NLN: variants seen among roughly 807,000 people sequenced by gnomAD.
NLN encodes neurolysin.
Under a neutral mutation model 79.9 loss-of-function variants are expected in NLN, and 64 were observed. The observed-to-expected ratio is 0.80, with a 90% CI of 0.65 to 0.99. The LOEUF is 0.99. Ranked by LOEUF, NLN falls within the 50% of genes least tolerant of loss-of-function variation. The probability of loss-of-function intolerance (pLI) is 0.00; values close to 1 mark genes in which losing one functional copy is unlikely to be tolerated. For synonymous variants in NLN, 267 were observed against 296.6 expected, an observed-to-expected ratio of 0.90 and a Z score of 1.02; for missense variants, 835 against 858.7, an observed-to-expected ratio of 0.97 and a Z score of 0.34.
At chr5:65,739,031 AT>A (rs1337230423) in intron 1 of NLN, among the ~76,000 whole-genome samples, 1 of 139,842 alleles carries the variant, frequency 7.2e-6, no homozygotes. Flanking sequence ...TAAATATATA[AT>A]ATATATATAA....
Position 65,745,821 on chromosome 5 carries a change from C to T in NLN, c.42-12746C>T, listed in dbSNP as rs547094553. ...TCAGATTTATGTTTTAGGATGATTA[C>T]TCTGCAGGCAATCTGGAGAACAGAT... On this transcript the variant is annotated intron_variant, in intron 1 of 12. Transcript: ENST00000380985. Among the ~76,000 whole-genome samples the T allele has an allele frequency of 2.6e-5, 4 of 152,296 alleles. No homozygotes were observed. The East Asian group carries it at 7.7e-4, about 29-fold the overall frequency.
At chr5:65,745,309 A>C (rs1055194857) in intron 1 of NLN, among the ~76,000 whole-genome samples, 2 of 152,194 alleles carry the variant, frequency 1.3e-5, no homozygotes, top group Non-Finnish European at 2.9e-5. Flanking sequence ...AAAATCAGAG[A>C]AGTGCAATTG....
intron 1 of NLN, among the ~76,000 whole-genome samples, chr5:65,741,333 A>G (rs1430851443): frequency 3.3e-5 from 5 of 152,196 alleles, no homozygotes; most frequent in Admixed American, 6.5e-5. Flanking sequence ...TAGGGATTGC[A>G]TTCAATCTGT....
intron 9 of NLN, among the ~76,000 whole-genome samples, chr5:65,800,556 C>A (rs890597414): frequency 6.6e-6 from 1 of 152,014 alleles, no homozygotes; most frequent in Non-Finnish European, 1.5e-5. Flanking sequence ...GCGCCTGTAG[C>A]CCCAGCTACT....
chr5:65,762,242 T>G (rs1420813649), intron 2 of NLN, among the ~76,000 whole-genome samples: 11 of 152,222 alleles, frequency 7.2e-5, no homozygotes. Context: ...AATGTTTTTA[T>G]GTATGTGTGC....
chr5:65,785,269 A>C (rs1759893204), intron 6 of NLN, among the ~76,000 whole-genome samples: 1 of 152,224 alleles, frequency 6.6e-6, no homozygotes, highest in African/African-American at 2.4e-5. Context: ...AAACTACTTT[A>C]CATTCTCATC....
At chr5:65,762,401 C>T (rs1332312882) in intron 2 of NLN, among the ~76,000 whole-genome samples, 1 of 152,140 alleles carries the variant, frequency 6.6e-6, no homozygotes, top group African/African-American at 2.4e-5. Flanking sequence ...ATTACACCCT[C>T]AGGCTAGATG....
At chr5:65,787,990 C>T (rs1759970343) in intron 7 of NLN, 128 bp from the exon 8 acceptor site, 1 of 894,436 alleles carries the variant, frequency 1.1e-6, no homozygotes, top group African/African-American at 1.7e-5. Flanking sequence ...TCCTTTACCT[C>T]TTTCCGCCTT....
intron 1 of NLN, among the ~76,000 whole-genome samples, chr5:65,728,886 C>A (rs1268307196): frequency 6.6e-6 from 1 of 152,166 alleles, no homozygotes; most frequent in African/African-American, 2.4e-5. Flanking sequence ...CTTGGTTGCC[C>A]AGGCTAGAGT....
intron 3 of NLN, among the ~76,000 whole-genome samples, chr5:65,764,933 T>C (rs543476002): frequency 6.6e-6 from 1 of 152,356 alleles, no homozygotes; most frequent in Non-Finnish European, 1.5e-5. Context: ...AACCTAGAAT[T>C]ACCAGTATTA....
chr5:65,822,904 C>T lies in NLN; in HGVS notation c.2104C>T (p.His702Tyr). 1 of 1,613,456 alleles carries T rather than the reference C, an allele frequency of 6.2e-7. No individual in the cohort carries two copies. The highest frequency in any genetic ancestry group is 8.5e-7 in the Non-Finnish European group (1 of 1,179,458). The part of the protein sequence containing the change: ...QKAFLMSRGL[H>Y]AP Reference sequence around the variant, plus strand: ...AGCGTTCCTAATGAGTAGAGGCCTGCATGCTCCGTGAACTGGGGATCTTTG... The same window carrying T: ...AGCGTTCCTAATGAGTAGAGGCCTGTATGCTCCGTGAACTGGGGATCTTTG... The change falls in exon 13 of 13, where the codon CAT (histidine) becomes TAT (tyrosine). Residue 702 changes from histidine to tyrosine, a missense_variant. Physicochemically the swap from His to Tyr is moderately conservative, Grantham distance 83. Transcript: ENST00000380985.
chr5:65,806,036 C>G (rs897171246), intron 9 of NLN, among the ~76,000 whole-genome samples: 1 of 152,106 alleles, frequency 6.6e-6, no homozygotes, highest in Non-Finnish European at 1.5e-5. Flanking sequence ...CATCTGTTTA[C>G]AGCATGGTTT....
intron 1 of NLN, among the ~76,000 whole-genome samples, chr5:65,730,767 G>C (rs978254583): frequency 6.6e-6 from 1 of 152,056 alleles, no homozygotes; most frequent in East Asian, 1.9e-4. Context: ...ATGTTGGCCA[G>C]GCTGGAACTC....
At chr5:65,770,629 G>A (rs1220604221) in intron 3 of NLN, among the ~76,000 whole-genome samples, 1 of 152,142 alleles carries the variant, frequency 6.6e-6, no homozygotes, top group Non-Finnish European at 1.5e-5. Flanking sequence ...GAAAGTTGGA[G>A]CTTACATTCT....
Position 65,748,073 on chromosome 5 carries a change from C to T in NLN, c.42-10494C>T, listed in dbSNP as rs189021225. ...AAAATTAGCTGGGCGTAGTGGCACA[C>T]GCCTGTAATCCCAGCTACTTGGGAG... On this transcript the variant is annotated intron_variant, in intron 1 of 12. Coordinates refer to ENST00000380985, the MANE Select transcript of NLN (RefSeq NM_020726.5). Among the ~76,000 whole-genome samples the T allele has an allele frequency of 4.7e-3, 710 of 152,256 alleles. 10 individuals are homozygous for T. Among genetic ancestry groups the T allele is most frequent in the African/African-American group, 0.016 (674 of 41,552 alleles).
At position 65,777,413 on chromosome 5, in the gene NLN, C is replaced by G; in HGVS notation, c.451-14C>G. On this transcript the variant is annotated splice_polypyrimidine_tract_variant and intron_variant, in intron 3 of 12. Coordinates refer to ENST00000380985, the MANE Select transcript of NLN (RefSeq NM_020726.5). ...TGTTTCAACCGAAATGGTTTTCATGCTCTTTAATTTCAGGAAACCTGTGAT... is the reference window on the plus strand; with the variant it reads ...TGTTTCAACCGAAATGGTTTTCATGGTCTTTAATTTCAGGAAACCTGTGAT... 6.5e-7 allele frequency: 1 copy of G among 1,532,462 alleles called. No individual in the cohort carries two copies. Among genetic ancestry groups the G allele is most frequent in the Non-Finnish European group, 9.0e-7 (1 of 1,107,028 alleles). 94.9% of individuals were successfully genotyped at this position (1,532,462 alleles called of 1,614,324 possible).
intron 1 of NLN, among the ~76,000 whole-genome samples, chr5:65,743,005 A>G (rs566200241): frequency 6.6e-6 from 1 of 152,232 alleles, no homozygotes; most frequent in East Asian, 1.9e-4. Flanking sequence ...CATATATGTT[A>G]TATGCTGAAC....
intron 1 of NLN, among the ~76,000 whole-genome samples, chr5:65,724,459 A>G (rs959584563): frequency 2.6e-5 from 4 of 152,192 alleles, no homozygotes; most frequent in African/African-American, 7.2e-5. Flanking sequence ...CATTGTATGT[A>G]TATACCACAT....
intron 3 of NLN, among the ~76,000 whole-genome samples, chr5:65,771,982 T>C (rs1036390961): frequency 4.4e-5 from 6 of 135,026 alleles, no homozygotes; most frequent in Non-Finnish European, 8.4e-5. Flanking sequence ...AAAAAAGATA[T>C]CCCAAATTCA....
Sources: gnomAD v4.1 joint callset for allele counts (sites outside exome capture counted in the v4.1 genomes callset) on GRCh38, gnomAD v4.1.1 for gene constraint, MANE v1.5 for transcripts, NCBI Gene and HGNC (gene_info 2026-07-23, HGNC 2026-07-21) for gene names.